QTMAN: variants seen among roughly 807,000 people sequenced by gnomAD.
QTMAN encodes the protein tRNA-queuosine alpha-mannosyltransferase.
chr2:144,169,938 T>C, the QTMAN span, among the ~76,000 whole-genome samples: 1 of 152,114 alleles, frequency 6.6e-6, no homozygotes, highest in Admixed American at 6.6e-5. Context: ...ACAAATGATA[T>C]GCAACAATTT....
the QTMAN span, among the ~76,000 whole-genome samples, chr2:144,299,719 T>C: frequency 1.3e-5 from 2 of 152,218 alleles, no homozygotes; most frequent in Non-Finnish European, 2.9e-5. Flanking sequence ...GAAAAGAGTA[T>C]AGCAGTTCTT....
At chr2:144,005,829 C>G in the QTMAN span, 1 of 152,050 alleles carries the variant, frequency 6.6e-6, no homozygotes, top group Non-Finnish European at 1.5e-5. Flanking sequence ...ATGGTTTTCA[C>G]TCTTTCCTCC....
the QTMAN span, among the ~76,000 whole-genome samples, chr2:143,952,389 A>G: frequency 2.0e-5 from 3 of 151,550 alleles, no homozygotes; most frequent in Non-Finnish European, 4.4e-5. Flanking sequence ...TACCCGTACA[A>G]CAGTTGCATA....
the QTMAN span, among the ~76,000 whole-genome samples, chr2:144,101,097 T>G: frequency 9.2e-5 from 14 of 152,108 alleles, no homozygotes; most frequent in Admixed American, 4.6e-4. Flanking sequence ...CTCGATCTCC[T>G]GACCTCGTGA....
At chr2:144,046,895 T>C in the QTMAN span, among the ~76,000 whole-genome samples, 2 of 152,202 alleles carry the variant, frequency 1.3e-5, no homozygotes, top group South Asian at 2.1e-4. Context: ...ATGTGGAGTA[T>C]TGGATAATCT....
the QTMAN span, among the ~76,000 whole-genome samples, chr2:144,189,837 G>T: frequency 1.3e-5 from 2 of 151,994 alleles, no homozygotes; most frequent in Non-Finnish European, 2.9e-5. Flanking sequence ...GGCCATGCTG[G>T]TCATGAACTC....
the QTMAN span, among the ~76,000 whole-genome samples, chr2:144,031,556 C>T: frequency 1.3e-5 from 2 of 151,618 alleles, no homozygotes; most frequent in Admixed American, 1.3e-4. Context: ...AATCATAAAA[C>T]CTGAAGCCAT....
chr2:143,951,467 G>A, the QTMAN span, among the ~76,000 whole-genome samples: 1 of 151,458 alleles, frequency 6.6e-6, no homozygotes, highest in African/African-American at 2.4e-5. Flanking sequence ...TAAAGAAACT[G>A]AGGATTTTTT....
the QTMAN span, among the ~76,000 whole-genome samples, chr2:143,947,706 C>G: frequency 1.3e-5 from 2 of 152,148 alleles, no homozygotes; most frequent in Admixed American, 6.5e-5. Flanking sequence ...AGAAGATCAC[C>G]TAGAATCAGG....
chr2:144,270,518 G>A, the QTMAN span, among the ~76,000 whole-genome samples: 2 of 152,148 alleles, frequency 1.3e-5, no homozygotes, highest in African/African-American at 4.8e-5. Flanking sequence ...CATGGATGAA[G>A]CTGGAAACTA....
At chr2:143,992,223 T>C in the QTMAN span, among the ~76,000 whole-genome samples, 1 of 150,368 alleles carries the variant, frequency 6.7e-6, no homozygotes, top group African/African-American at 2.5e-5. Flanking sequence ...CCTGTTGATC[T>C]GTGACCTTAC....
the QTMAN span, chr2:143,952,129 G>A: frequency 4.2e-6 from 4 of 954,292 alleles, no homozygotes; most frequent in African/African-American, 1.6e-5. Flanking sequence ...GCACACACTC[G>A]ATATTAGTCA....
chr2:143,983,504 GCT>G, the QTMAN span, among the ~76,000 whole-genome samples: 3 of 108,626 alleles, frequency 2.8e-5, no homozygotes, highest in African/African-American at 1.1e-4. Context: ...ATGGAGTCTT[GCT>G]CTGTCGCCCA....
chr2:144,061,373 T>C, the QTMAN span, among the ~76,000 whole-genome samples: 3 of 152,322 alleles, frequency 2.0e-5, no homozygotes, highest in Admixed American at 6.5e-5. Flanking sequence ...GTTCCCTCCA[T>C]TATTGCATTT....
At chr2:143,952,162 T>C in the QTMAN span, 1 of 780,190 alleles carries the variant, frequency 1.3e-6, no homozygotes, top group Non-Finnish European at 2.3e-6. Context: ...AAAATGCATA[T>C]TGCTCTGTGC....
At chr2:144,173,742 A>G in the QTMAN span, among the ~76,000 whole-genome samples, 1 of 149,994 alleles carries the variant, frequency 6.7e-6, no homozygotes, top group Non-Finnish European at 1.5e-5. Context: ...CTGATCCCCA[A>G]TGTTGGATGG....
chr2:144,071,570 A>G, the QTMAN span, among the ~76,000 whole-genome samples: 3 of 152,118 alleles, frequency 2.0e-5, no homozygotes, highest in Admixed American at 6.6e-5. Context: ...GGAATGTCTC[A>G]CGTTCCACGA....
At chr2:144,017,663 C>T in the QTMAN span, among the ~76,000 whole-genome samples, 1 of 152,210 alleles carries the variant, frequency 6.6e-6, no homozygotes, top group East Asian at 1.9e-4. Flanking sequence ...AGTAACAATG[C>T]CTTGCAGAAT....
the QTMAN span, among the ~76,000 whole-genome samples, chr2:144,055,286 C>A: frequency 6.6e-6 from 1 of 151,340 alleles, no homozygotes; most frequent in Admixed American, 6.6e-5. Context: ...TAAGTGGTGA[C>A]AAGTATTCAC....
Sources: gnomAD v4.1 joint callset for allele counts (sites outside exome capture counted in the v4.1 genomes callset) on GRCh38, gnomAD v4.1.1 for gene constraint, MANE v1.5 for transcripts, NCBI Gene and HGNC (gene_info 2026-07-23, HGNC 2026-07-21) for gene names.